The following MET variants were observed in gnomAD, a reference collection of about 807,000 sequenced individuals.
MET encodes MET proto-oncogene, receptor tyrosine kinase, also known as hepatocyte growth factor receptor.
Under a neutral mutation model 133.1 loss-of-function variants are expected in MET, and 48 were observed. That is an observed-to-expected ratio of 0.36 (90% CI 0.29 to 0.46). The LOEUF is 0.46. Ranked by LOEUF, MET falls within the 20% of genes least tolerant of loss-of-function variation. The pLI is 1.00. For missense variants in MET, 1,442 were observed against 1,695.9 expected (o/e 0.85, Z 2.63); for synonymous variants, 628 against 616.5 (o/e 1.02, Z -0.28).
chr7:116,695,673 A>G (rs527505347), intron 1 of MET: 1 of 396,416 alleles, frequency 2.5e-6, no homozygotes, highest in African/African-American at 2.1e-5. Context: ...GTGGAATTGA[A>G]TCTTGGTTCT....
chr7:116,686,423 C>A (rs1376270659), intron 1 of MET, among the ~76,000 whole-genome samples: 1 of 152,216 alleles, frequency 6.6e-6, no homozygotes, highest in Non-Finnish European at 1.5e-5. Flanking sequence ...CTCCTCCAGG[C>A]AGTTCTGATG....
chr7:116,680,314 G>A (rs1327367196), intron 1 of MET, among the ~76,000 whole-genome samples: 2 of 152,100 alleles, frequency 1.3e-5, no homozygotes, highest in Non-Finnish European at 2.9e-5. Flanking sequence ...CAGTGTTTTT[G>A]TACACATTCG....
At chr7:116,767,915 A>G (rs934393044) in intron 11 of MET, among the ~76,000 whole-genome samples, 1 of 150,288 alleles carries the variant, frequency 6.7e-6, no homozygotes, top group Non-Finnish European at 1.5e-5. Flanking sequence ...GAAGTGAGCT[A>G]CCAGTATCAC....
At chr7:116,673,790 G>A (rs1035172009) in intron 1 of MET, among the ~76,000 whole-genome samples, 2 of 152,166 alleles carry the variant, frequency 1.3e-5, no homozygotes, top group African/African-American at 4.8e-5. Context: ...ATTATTTACA[G>A]GTACATAGCT....
At chr7:116,716,477 G>GA (rs549471394) in intron 2 of MET, among the ~76,000 whole-genome samples, 3 of 99,804 alleles carry the variant, frequency 3.0e-5, no homozygotes, top group African/African-American at 4.4e-5. Context: ...GAGAAAGAAA[G>GA]AAAGAAAGAA....
At chr7:116,793,113 G>A (rs1795562214) in intron 19 of MET, among the ~76,000 whole-genome samples, 3 of 151,676 alleles carry the variant, frequency 2.0e-5, no homozygotes, top group South Asian at 4.2e-4. Flanking sequence ...GCTTACAGAT[G>A]CCATCTCCCT....
rs2116826585 is a variant in MET, at chr7:116,740,002, A to G, written c.1445A>G (p.Asp482Gly). 6.2e-7 allele frequency: 1 copy of G among 1,613,886 alleles called. No individual in the cohort carries two copies. The highest frequency in any genetic ancestry group is 8.5e-7 in the Non-Finnish European group (1 of 1,179,990). Residue 482 changes from aspartate (D) to glycine (G), a missense_variant, in exon 4 of 21, where the codon GAC (aspartate) becomes GGC (glycine). Physicochemically the swap from Asp to Gly is moderately conservative, Grantham distance 94. Transcript: ENST00000397752. ...PSTPHVNFLLDSHPVSPEVIV... is the reference protein window; with the variant it reads ...PSTPHVNFLLGSHPVSPEVIV... ...ACCCCTCATGTGAATTTTCTCCTGG[A>G]CTCCCATCCAGTGTCTCCAGAAGTG... is the stretch of plus-strand genomic sequence containing the variant.
chr7:116,779,977 T>TAC (rs1795106945), intron 17 of MET, among the ~76,000 whole-genome samples: 2 of 152,202 alleles, frequency 1.3e-5, no homozygotes, highest in Admixed American at 6.5e-5. Flanking sequence ...CATATATATG[T>TAC]ACACACACCC....
In MET at chr7:116,757,466, A is replaced by G. The variant is rs780287516; in HGVS notation, c.1892A>G (p.Asn631Ser). Reference protein sequence around the residue: ...TLKCTVGPAMNKHFNMSIIIS... With the variant: ...TLKCTVGPAMSKHFNMSIIIS... Reference sequence around the variant, plus strand: ...AAATGCACAGTTGGTCCTGCCATGAATAAGCATTTCAATATGTCCATAATT... The same window carrying G: ...AAATGCACAGTTGGTCCTGCCATGAGTAAGCATTTCAATATGTCCATAATT... Residue 631 changes from asparagine to serine, a missense_variant, in exon 7 of 21, where the codon AAT becomes AGT. By Grantham distance (46) the Asn-to-Ser change is conservative (BLOSUM62 1). Around this residue, in one of 6 missense-constraint regions of MET, gnomAD observed 762 missense variants for 792.4 expected, o/e 0.96. Transcript: ENST00000397752. The G allele has an allele frequency of 6.2e-7, 1 of 1,613,622 alleles. No homozygotes were observed. Among genetic ancestry groups the G allele is most frequent in the Non-Finnish European group, 8.5e-7 (1 of 1,179,912 alleles).
In MET at chr7:116,795,817, C is replaced by T. The variant is rs200318158; in HGVS notation, c.3935+26C>T. On this transcript the variant is annotated intron_variant, in intron 20 of 20. Transcript: ENST00000397752. ...GTAAGTAGTCTTTCTGTACCTCTTA[C>T]GTTCTTTACTTTTACAGAAATGCCT... The T allele has an allele frequency of 2.3e-5, 37 of 1,614,212 alleles. No individual in the cohort carries two copies. In the East Asian group the frequency reaches 6.0e-4, roughly 26 times the overall value.
chr7:116,672,635 T>C, intron 1 of MET, 58 bp downstream of exon 1: 1 of 374,410 alleles, frequency 2.7e-6, no homozygotes, highest in Non-Finnish European at 4.7e-6. Flanking sequence ...GGGGTTCTGC[T>C]TTCTTTGTTC....
intron 3 of MET, among the ~76,000 whole-genome samples, chr7:116,733,282 G>C (rs1011208699): frequency 1.3e-5 from 2 of 151,540 alleles, no homozygotes; most frequent in Non-Finnish European, 2.9e-5. Flanking sequence ...GACTAGAAAA[G>C]CTGGCATCTA....
At chr7:116,672,706 G>A (rs1039127338) in intron 1 of MET, 129 bp downstream of exon 1, 1 of 370,448 alleles carries the variant, frequency 2.7e-6, no homozygotes, top group Admixed American at 4.6e-5. Flanking sequence ...TAGAGTTTAG[G>A]GGCTTCGGAA....
intron 1 of MET, among the ~76,000 whole-genome samples, chr7:116,673,014 G>GT (rs1796028811): frequency 6.6e-6 from 1 of 152,122 alleles, no homozygotes; most frequent in African/African-American, 2.4e-5. Context: ...AGGGGCAGGT[G>GT]TTTCTGTGAA....
intron 14 of MET, among the ~76,000 whole-genome samples, chr7:116,772,979 T>C (rs1794880508): frequency 6.6e-6 from 1 of 152,212 alleles, no homozygotes; most frequent in Non-Finnish European, 1.5e-5. Context: ...CTATTTAGTA[T>C]TTTATGTGCA....
rs2116589485 is a variant in MET, at chr7:116,699,548, A to G, written c.464A>G (p.Gln155Arg). 6.2e-7 allele frequency: 1 copy of G among 1,614,052 alleles called. No individual in the cohort carries two copies. ...CCCCACAATCATACTGCTGACATAC[A>G]GTCGGAGGTTCACTGCATATTCTCC... ...VFPHNHTADI[Q>R]SEVHCIFSPQ... The change falls in exon 2 of 21, where the codon CAG (glutamine) becomes CGG (arginine). Residue 155 changes from glutamine (Q) to arginine (R), a missense_variant. By Grantham distance (43) the Gln-to-Arg change is conservative. Transcript: ENST00000397752.
At chr7:116,677,969 TTCTCTCTCTCTCTCTCTGTC>T (rs993471987) in intron 1 of MET, among the ~76,000 whole-genome samples, 1 of 93,444 alleles carries the variant, frequency 1.1e-5, no homozygotes, top group Non-Finnish European at 2.0e-5. Context: ...AATATTGTCT[TTCTCTCTCTCTCTCTCTGTC>T]TCTCTCTCTC....
intron 3 of MET, among the ~76,000 whole-genome samples, chr7:116,739,392 G>T (rs546600765): frequency 6.6e-6 from 1 of 151,426 alleles, no homozygotes; most frequent in Non-Finnish European, 1.5e-5. Context: ...GTGGGACAGT[G>T]GTTTATAAAA....
At chr7:116,709,019 T>C (rs1222417976) in intron 2 of MET, among the ~76,000 whole-genome samples, 3 of 152,292 alleles carry the variant, frequency 2.0e-5, no homozygotes, top group Admixed American at 1.3e-4. Flanking sequence ...CACAATTGCA[T>C]CCATTTTTAG....
Sources: allele counts gnomAD v4.1 joint callset (sites outside exome capture counted in the v4.1 genomes callset), GRCh38; gene constraint gnomAD v4.1.1; regional missense constraint gnomAD v4.1.1; transcripts MANE v1.5; gene names NCBI Gene and HGNC (gene_info 2026-07-23, HGNC 2026-07-21).